The following DNAH7 variants were observed in gnomAD, a reference collection of about 807,000 sequenced individuals.
The protein encoded by DNAH7 is dynein axonemal heavy chain 7.
In DNAH7, 397 loss-of-function variants were observed where a neutral mutation model predicts 444.6. The ratio of observed to expected loss-of-function variants is 0.89; its 90% CI spans 0.82 to 0.97. The LOEUF is 0.97. Ranked by LOEUF, DNAH7 falls within the 50% of genes least tolerant of loss-of-function variation. DNAH7 has a pLI of 0.00. For missense variants in DNAH7, 4,902 were observed against 4,800.8 expected, an observed-to-expected ratio of 1.02 and a Z score of -0.62; for synonymous variants, 1,636 against 1,624.4, an observed-to-expected ratio of 1.01 and a Z score of -0.17.
intron 25 of DNAH7, among the ~76,000 whole-genome samples, chr2:195,908,353 T>C (rs1177954744): frequency 1.3e-5 from 2 of 152,128 alleles, no homozygotes; most frequent in Admixed American, 1.3e-4. Flanking sequence ...ACTGGTATCA[T>C]ACCATTTTGG....
intron 15 of DNAH7, among the ~76,000 whole-genome samples, chr2:195,983,182 CTTAA>C (rs1427113186): frequency 6.6e-6 from 1 of 151,878 alleles, no homozygotes; most frequent in Non-Finnish European, 1.5e-5. Flanking sequence ...ACCACAAAAA[CTTAA>C]TGTTATAAGA....
chr2:195,883,451 TC>T lies in DNAH7; in HGVS notation c.5763+1133del, dbSNP rs778869268. ...CAACACAGCGAGACTCAGTCCCCGC[TC>T]CCCCCCCCCAAAAAAAAAGAATCAG... On this transcript the variant is annotated intron_variant, in intron 35 of 64. Transcript: ENST00000312428. Among the ~76,000 whole-genome samples the T allele has an allele frequency of 2.1e-3, 256 of 121,094 alleles. 5 individuals are homozygous for T. The highest frequency in any genetic ancestry group is 4.6e-3 in the African/African-American group (143 of 31,186). 79.4% of individuals were successfully genotyped at this position (121,094 alleles called of 152,430 possible). A position where few individuals can be genotyped will look rare whatever the true frequency, so the allele number is the denominator to read the frequency against.
intron 51 of DNAH7, among the ~76,000 whole-genome samples, chr2:195,815,636 A>T (rs1486365171): frequency 6.6e-6 from 1 of 152,250 alleles, no homozygotes. Context: ...CTGATCAAGA[A>T]GGTTATAAAA....
chr2:195,864,123 T>C, intron 41 of DNAH7, 26 bp downstream of exon 41: 3 of 1,593,690 alleles, frequency 1.9e-6, no homozygotes, highest in Non-Finnish European at 2.6e-6. Context: ...TTTCTAGAAG[T>C]CTATCTAAAA....
rs1695723787 is a variant in DNAH7, at chr2:196,026,893, G to T, written c.534C>A (p.Ala178=). ...GTTCTAGCCAAGAATCTTCCATTGG[G>T]GCTACATGGTCTGTATCAATTCCAT... ...IHHGIDTDHV[A]PMEDSWLEHV... is the part of the protein sequence containing the mutation. Residue 178 remains alanine (A), a synonymous_variant, in exon 7 of 65, where the codon GCC becomes GCA. Coordinates refer to ENST00000312428, the MANE Select transcript of DNAH7 (RefSeq NM_018897.3). The T allele has an allele frequency of 6.2e-6, 10 of 1,611,990 alleles. No individual in the cohort carries two copies. The highest frequency in any genetic ancestry group is 1.1e-5 in the South Asian group (1 of 90,926).
At chr2:195,946,569 C>T (rs970704727) in intron 19 of DNAH7, among the ~76,000 whole-genome samples, 4 of 152,176 alleles carry the variant, frequency 2.6e-5, no homozygotes, top group African/African-American at 9.7e-5. Flanking sequence ...AGGGCCTTCA[C>T]ATCACTGACA....
chr2:195,863,855 G>A (rs558216243), intron 41 of DNAH7, among the ~76,000 whole-genome samples: 13 of 152,160 alleles, frequency 8.5e-5, no homozygotes, highest in African/African-American at 2.9e-4. Flanking sequence ...CCTTCATTAT[G>A]CTTTCTTCGG....
intron 12 of DNAH7, among the ~76,000 whole-genome samples, chr2:195,990,882 CATAT>C (rs1381701698): frequency 8.4e-6 from 1 of 118,918 alleles, no homozygotes; most frequent in African/African-American, 3.5e-5. Context: ...TAAATATATA[CATAT>C]ATACTTATAT....
At chr2:195,966,665 C>T (rs1691498261) in intron 17 of DNAH7, among the ~76,000 whole-genome samples, 1 of 152,038 alleles carries the variant, frequency 6.6e-6, no homozygotes, top group Non-Finnish European at 1.5e-5. Flanking sequence ...ATTGTCATAC[C>T]CTCTTGCTGA....
At chr2:195,891,035 T>C (rs1226618916) in intron 31 of DNAH7, among the ~76,000 whole-genome samples, 1 of 152,196 alleles carries the variant, frequency 6.6e-6, no homozygotes, top group Non-Finnish European at 1.5e-5. Context: ...CAAGTTAATA[T>C]GTATTGGTCT....
chr2:195,907,012 A>G lies in DNAH7; in HGVS notation c.4105-3T>C, dbSNP rs760370155. 1.9e-6 allele frequency: 3 copies of G among 1,606,430 alleles called. No homozygotes were observed. The highest frequency in any genetic ancestry group is 2.2e-5 in the South Asian group (2 of 89,990). On this transcript the variant is annotated splice_polypyrimidine_tract_variant and splice_region_variant and intron_variant, in intron 25 of 64. Transcript: ENST00000312428. ...CAGGCTCCACAAGATAACAGTCCCT[A>G]TGAGAAAAGAGTAATGAAAATTTTT...
In DNAH7 at chr2:195,864,655, G is replaced by C; in HGVS notation, c.7000C>G (p.Arg2334Gly). 6.2e-7 allele frequency: 1 copy of C among 1,614,176 alleles called. No individual in the cohort carries two copies. Among genetic ancestry groups the C allele is most frequent in the Non-Finnish European group, 8.5e-7 (1 of 1,180,038 alleles). ...ACCCCTACTAGGAGAGCATGGCTGC[G>C]AGGCTGCTTCAGGATCCTGGAAATT... ...SRISRILKQPRSHALLVGVGG... is the reference protein window; with the variant it reads ...SRISRILKQPGSHALLVGVGG... The change falls in exon 41 of 65, where the codon CGC becomes GGC. Residue 2334 changes from arginine to glycine, a missense_variant. Transcript: ENST00000312428.
chr2:195,992,458 T>C (rs537431115), intron 12 of DNAH7, among the ~76,000 whole-genome samples: 4 of 152,336 alleles, frequency 2.6e-5, no homozygotes, highest in South Asian at 4.1e-4. Flanking sequence ...CACAACCACT[T>C]TGCATATTGT....
intron 24 of DNAH7, among the ~76,000 whole-genome samples, chr2:195,915,819 G>T (rs1203975435): frequency 6.6e-6 from 1 of 152,068 alleles, no homozygotes; most frequent in Non-Finnish European, 1.5e-5. Flanking sequence ...GCTTCAAGGA[G>T]CAGGAAATAA....
intron 19 of DNAH7, among the ~76,000 whole-genome samples, chr2:195,937,760 T>C (rs1353877965): frequency 6.6e-6 from 1 of 152,098 alleles, no homozygotes; most frequent in African/African-American, 2.4e-5. Context: ...CCAAAGTCAG[T>C]GTTCACCACT....
At chr2:195,881,685 T>C in intron 36 of DNAH7, 110 bp downstream of exon 36, 1 of 1,187,484 alleles carries the variant, frequency 8.4e-7, no homozygotes, top group Non-Finnish European at 1.2e-6. Flanking sequence ...TCTCTGCAGT[T>C]CAAACATCAA....
At chr2:195,838,204 A>C (rs890420415) in intron 47 of DNAH7, among the ~76,000 whole-genome samples, 2 of 152,280 alleles carry the variant, frequency 1.3e-5, no homozygotes, top group Non-Finnish European at 2.9e-5. Flanking sequence ...ATTGTGATCT[A>C]AACTTAACTG....
intron 19 of DNAH7, among the ~76,000 whole-genome samples, chr2:195,945,223 G>A (rs559800332): frequency 8.1e-4 from 123 of 152,178 alleles, no homozygotes; most frequent in African/African-American, 2.9e-3. Context: ...GGAAAGCCTA[G>A]GGGAGCATAC....
chr2:195,758,136 A>T (rs1694173037), intron 61 of DNAH7, among the ~76,000 whole-genome samples: 1 of 152,256 alleles, frequency 6.6e-6, no homozygotes, highest in South Asian at 2.1e-4. Flanking sequence ...GAAGAAATAC[A>T]TAATCATGCT....
Sources: allele counts gnomAD v4.1 joint callset (sites outside exome capture counted in the v4.1 genomes callset), GRCh38; gene constraint gnomAD v4.1.1; transcripts MANE v1.5; gene names NCBI Gene and HGNC (gene_info 2026-07-23, HGNC 2026-07-21).